PTPRD: variants seen among roughly 807,000 people sequenced by gnomAD.
PTPRD encodes the protein receptor-type tyrosine-protein phosphatase delta.
Under a neutral mutation model 214.5 loss-of-function variants are expected in PTPRD, and 34 were observed. The ratio of observed to expected loss-of-function variants is 0.16; its 90% CI spans 0.12 to 0.21. The LOEUF (loss-of-function observed/expected upper bound fraction) is 0.21. Among genes scored for constraint, PTPRD ranks in the 10% least tolerant of loss-of-function variants. The pLI is 1.00. For missense variants in PTPRD, 2,545 were observed against 2,398.7 expected, an observed-to-expected ratio of 1.06 and a Z score of -1.27; for synonymous variants, 1,128 against 845.7, an observed-to-expected ratio of 1.33 and a Z score of -5.79.
chr9:10,149,946 G>C (rs2099049403), intron 3 of PTPRD, among the ~76,000 whole-genome samples: 1 of 151,902 alleles, frequency 6.6e-6, no homozygotes, highest in African/African-American at 2.4e-5. Context: ...GGCCAGGCTG[G>C]TCTTGAACTC....
chr9:10,611,776 C>G (rs1253121870), intron 2 of PTPRD, among the ~76,000 whole-genome samples: 1 of 152,174 alleles, frequency 6.6e-6, no homozygotes, highest in Non-Finnish European at 1.5e-5. Flanking sequence ...AAATTAAGTT[C>G]ATTCTAATTC....
rs770327332 is a variant in PTPRD, at chr9:8,517,861, G to T, written c.1530C>A (p.Ile510=). ...AACCAAACTTACCTCCTGTCTGAGT[G>T]ATGACTTGTATGTCACTTGAAAGGG... ...DGPLSSDIQV[I]TQTGVPGQPL... Residue 510 remains isoleucine (I), a synonymous_variant, in exon 21 of 46, where the codon ATC becomes ATA. Transcript: ENST00000381196. 6.2e-7 allele frequency: 1 copy of T among 1,612,976 alleles called. No homozygotes were observed. Among genetic ancestry groups the T allele is most frequent in the South Asian group, 1.1e-5 (1 of 90,938 alleles).
At chr9:10,053,125 T>C (rs1172952555) in intron 3 of PTPRD, among the ~76,000 whole-genome samples, 3 of 152,154 alleles carry the variant, frequency 2.0e-5, no homozygotes, top group Non-Finnish European at 4.4e-5. Flanking sequence ...AAGCAAAATA[T>C]AGAGATTAAC....
intron 3 of PTPRD, among the ~76,000 whole-genome samples, chr9:10,083,959 T>C (rs1236847185): frequency 6.6e-6 from 1 of 151,946 alleles, no homozygotes; most frequent in African/African-American, 2.4e-5. Flanking sequence ...TGGGGACACC[T>C]GAATAGAGAA....
At position 9,017,962 on chromosome 9, in the gene PTPRD, C is replaced by T. The variant is rs141071241; in HGVS notation, c.-104+735G>A. Among the ~76,000 whole-genome samples the T allele has an allele frequency of 3.8e-3, 574 of 152,020 alleles. 1 individual carries two copies. Among genetic ancestry groups the T allele is most frequent in the African/African-American group, 0.013 (528 of 41,488 alleles). On this transcript the variant is annotated intron_variant, in intron 11 of 45. Transcript: ENST00000381196. ...TACTTACTACTTTGTATTTGTTCCA[C>T]CTCTCTTTTGTTTCTTCCAAATATT...
intron 8 of PTPRD, among the ~76,000 whole-genome samples, chr9:9,546,585 C>A (rs2154278148): frequency 6.6e-6 from 1 of 151,826 alleles, no homozygotes; most frequent in African/African-American, 2.4e-5. Flanking sequence ...ATTACTACTA[C>A]CTTTATGCTA....
intron 7 of PTPRD, among the ~76,000 whole-genome samples, chr9:9,642,011 A>G (rs916171928): frequency 6.6e-6 from 1 of 151,220 alleles, no homozygotes; most frequent in Non-Finnish European, 1.5e-5. Flanking sequence ...ACTTGGAACC[A>G]ACCCAAATGT....
chr9:8,832,575 A>G (rs949400186), intron 11 of PTPRD, among the ~76,000 whole-genome samples: 2 of 152,114 alleles, frequency 1.3e-5, no homozygotes, highest in African/African-American at 4.8e-5. Flanking sequence ...ATATACTTCA[A>G]GTTATGAGAA....
intron 11 of PTPRD, among the ~76,000 whole-genome samples, chr9:8,982,306 G>A (rs1183133211): frequency 6.6e-6 from 1 of 151,906 alleles, no homozygotes; most frequent in Non-Finnish European, 1.5e-5. Flanking sequence ...CAAAGACCAT[G>A]CGTTAGCTTC....
At chr9:8,443,928 C>G (rs1384306968) in intron 34 of PTPRD, among the ~76,000 whole-genome samples, 1 of 152,182 alleles carries the variant, frequency 6.6e-6, no homozygotes, top group Non-Finnish European at 1.5e-5. Context: ...ATATCACCAT[C>G]TTTTAATAAT....
chr9:10,203,325 TC>T (rs1163795345), intron 3 of PTPRD, among the ~76,000 whole-genome samples: 1 of 152,068 alleles, frequency 6.6e-6, no homozygotes, highest in East Asian at 1.9e-4. Flanking sequence ...TAACTAGTTT[TC>T]CTGGAGTTCA....
chr9:9,408,882 G>A (rs145043048), intron 8 of PTPRD, among the ~76,000 whole-genome samples: 40 of 151,686 alleles, frequency 2.6e-4, no homozygotes, highest in South Asian at 8.3e-4. Flanking sequence ...TTCCTTCTAA[G>A]TAATATAAAT....
chr9:8,964,200 T>TTTTTTTTTTTTTTTTTTTTTTTTTG (rs2099175807), intron 11 of PTPRD, among the ~76,000 whole-genome samples: 1 of 142,396 alleles, frequency 7.0e-6, no homozygotes, highest in Non-Finnish European at 1.5e-5. Flanking sequence ...GTGTTTTTTT[T>TTTTTTTTTTTTTTTTTTTTTTTTTG]TTTTTTTTTT....
In PTPRD at chr9:9,413,200, C is replaced by T. The variant is rs199796197; in HGVS notation, c.-236-15718G>A. ...CGCAATCTCGGCTCACTGCAAGCTC[C>T]GCTTCCCGGGTTCACGCCATTCTCC... On this transcript the variant is annotated intron_variant, in intron 8 of 45. Transcript: ENST00000381196. 4.7e-3 allele frequency among the ~76,000 whole-genome samples: 663 copies of T among 141,930 alleles called. 21 individuals carry two copies. In the East Asian group the frequency reaches 0.051, roughly 11 times the overall value. 93.1% of individuals were successfully genotyped at this position (141,930 alleles called of 152,430 possible).
rs573946062 is a variant in PTPRD, at chr9:10,489,369, T to C, written c.-600+123029A>G. ...GTCTTCACCACCTTTCCCTCTATTC[T>C]CCTCCAGTGGAGATAAGAAGTCTCT... is the stretch of plus-strand genomic sequence containing the variant. On this transcript the variant is annotated intron_variant, in intron 2 of 45. Coordinates refer to ENST00000381196, the MANE Select transcript of PTPRD (RefSeq NM_002839.4). Among the ~76,000 whole-genome samples, 205 of 152,114 alleles carry C rather than the reference T, an allele frequency of 1.3e-3. 2 individuals carry two copies. The highest frequency in any genetic ancestry group is 0.01 in the Middle Eastern group (3 of 294).
intron 11 of PTPRD, among the ~76,000 whole-genome samples, chr9:8,915,577 C>T (rs917450959): frequency 1.3e-5 from 2 of 152,074 alleles, no homozygotes; most frequent in African/African-American, 4.8e-5. Flanking sequence ...ATATGTATCC[C>T]AAGAGCTACA....
intron 8 of PTPRD, among the ~76,000 whole-genome samples, chr9:9,477,073 A>G (rs2095104013): frequency 6.6e-6 from 1 of 152,164 alleles, no homozygotes; most frequent in Non-Finnish European, 1.5e-5. Context: ...ATAGCAATGC[A>G]AAAAAGGTAC....
chr9:8,378,914 C>T (rs151236110), intron 37 of PTPRD, among the ~76,000 whole-genome samples: 21 of 152,116 alleles, frequency 1.4e-4, no homozygotes, highest in Admixed American at 2.0e-4. Flanking sequence ...GCAGGAAGAA[C>T]TAAAATTATA....
intron 9 of PTPRD, among the ~76,000 whole-genome samples, chr9:9,253,977 C>A (rs564439593): frequency 6.6e-6 from 1 of 152,222 alleles, no homozygotes; most frequent in East Asian, 1.9e-4. Flanking sequence ...ACTCCAGTGT[C>A]TGCTTCGGTC....
Sources: gnomAD v4.1 joint callset for allele counts (sites outside exome capture counted in the v4.1 genomes callset) on GRCh38, gnomAD v4.1.1 for gene constraint, MANE v1.5 for transcripts, NCBI Gene and HGNC (gene_info 2026-07-23, HGNC 2026-07-21) for gene names.